PHIP: variants seen among roughly 807,000 people sequenced by gnomAD.
The protein encoded by PHIP is PHIP subunit of CUL4-Ring ligase complex, also known as PH-interacting protein.
A neutral mutation model predicts 236.8 loss-of-function variants in PHIP; 54 were observed. The ratio of observed to expected loss-of-function variants is 0.23; its 90% CI spans 0.18 to 0.29. PHIP has a LOEUF of 0.29. PHIP is among the 10% of genes least tolerant of loss of function. The pLI, the probability that PHIP is intolerant of heterozygous loss-of-function variation, is 1.00. For synonymous variants in PHIP, 756 were observed against 718.9 expected (o/e 1.05, Z -0.83); for missense variants, 1,370 against 2,190.8 (o/e 0.63, Z 7.48).
chr6:78,947,561 A>G, intron 36 of PHIP, 62 bp downstream of exon 36: 1 of 752,254 alleles, frequency 1.3e-6, no homozygotes, highest in Non-Finnish European at 2.1e-6. Context: ...AGCAACATTT[A>G]GTCATTTAAC....
chr6:79,071,727 C>T (rs2127780490), intron 4 of PHIP, among the ~76,000 whole-genome samples: 1 of 152,112 alleles, frequency 6.6e-6, no homozygotes, highest in South Asian at 2.1e-4. Flanking sequence ...TACAAGGAAA[C>T]TACTAGTAAG....
rs149977188 is a variant in PHIP, at chr6:79,039,646, T to C, written c.600+3197A>G. Among the ~76,000 whole-genome samples, 991 of 152,314 alleles carry C rather than the reference T, an allele frequency of 6.5e-3. 8 individuals carry two copies. The highest frequency in any genetic ancestry group is 9.5e-3 in the Non-Finnish European group (647 of 68,004). ...TAAAGGAATGCATAAACTCATTTTCTTTATTATACCATATTAATTAGAATC... is the reference window on the plus strand; with the variant it reads ...TAAAGGAATGCATAAACTCATTTTCCTTATTATACCATATTAATTAGAATC... On this transcript the variant is annotated intron_variant, in intron 7 of 39. Transcript: ENST00000275034.
intron 7 of PHIP, among the ~76,000 whole-genome samples, chr6:79,040,246 G>T (rs1772140983): frequency 6.6e-6 from 1 of 152,062 alleles, no homozygotes; most frequent in Admixed American, 6.6e-5. Flanking sequence ...AAGAGATGAG[G>T]TAATCTGTCA....
intron 7 of PHIP, among the ~76,000 whole-genome samples, chr6:79,031,321 CTT>C (rs977753943): frequency 2.6e-5 from 4 of 152,172 alleles, no homozygotes; most frequent in African/African-American, 9.7e-5. Context: ...TTATATCAAA[CTT>C]AGCATAAGCT....
Position 78,982,196 on chromosome 6 carries a change from A to G in PHIP, c.2769+690T>C, listed in dbSNP as rs1582163205. Among the ~76,000 whole-genome samples, 3 of 152,140 alleles carry G rather than the reference A, an allele frequency of 2.0e-5. No homozygotes were observed. In the East Asian group the frequency reaches 5.8e-4, roughly 29 times the overall value. ...CCCCTCGTGTTGTATTTACTTTAGA[A>G]CAAAAATTAAACAGGTCTCATTTTC... On this transcript the variant is annotated intron_variant, in intron 23 of 39. Coordinates refer to ENST00000275034, the MANE Select transcript of PHIP (RefSeq NM_017934.7).
chr6:79,064,822 T>C (rs1347961337), intron 4 of PHIP, among the ~76,000 whole-genome samples: 2 of 152,204 alleles, frequency 1.3e-5, no homozygotes, highest in African/African-American at 4.8e-5. Context: ...ATAACAATGA[T>C]TGCCAAATTT....
In PHIP at chr6:78,978,637, A is replaced by G. The variant is rs1322018809; in HGVS notation, c.2844T>C (p.Asp948=). 6.3e-7 allele frequency: 1 copy of G among 1,595,140 alleles called. No individual in the cohort carries two copies. The highest frequency in any genetic ancestry group is 8.6e-7 in the Non-Finnish European group (1 of 1,166,612). The part of the protein sequence containing the change: ...EEWLPSTWIT[D]TIPRRCPFVP... ...CAAATGGACATCTTCGGGGAATGGT[A>G]TCTGTAATCCATGTTGATGGCAACC... Residue 948 remains aspartate (D), a synonymous_variant, in exon 24 of 40, where the codon GAT becomes GAC. Transcript: ENST00000275034.
At chr6:79,028,479 C>T (rs1466550045) in intron 7 of PHIP, among the ~76,000 whole-genome samples, 1 of 152,154 alleles carries the variant, frequency 6.6e-6, no homozygotes, top group African/African-American at 2.4e-5. Flanking sequence ...GAGCACATCA[C>T]TGATTATCTG....
chr6:78,990,461 T>C (rs985583542), intron 20 of PHIP, among the ~76,000 whole-genome samples: 5 of 152,110 alleles, frequency 3.3e-5, no homozygotes, highest in South Asian at 2.1e-4. Flanking sequence ...AGAAATATTA[T>C]CTATAGCAGC....
At chr6:78,959,608 C>T (rs1419043386) in intron 31 of PHIP, among the ~76,000 whole-genome samples, 1 of 152,076 alleles carries the variant, frequency 6.6e-6, no homozygotes, top group Non-Finnish European at 1.5e-5. Flanking sequence ...GAATGTAATA[C>T]ATTGAAGTCA....
At chr6:78,959,314 T>C (rs1308148733) in intron 31 of PHIP, among the ~76,000 whole-genome samples, 1 of 152,088 alleles carries the variant, frequency 6.6e-6, no homozygotes, top group African/African-American at 2.4e-5. Flanking sequence ...TACAATCATA[T>C]GGAATAACAC....
At chr6:79,012,400 C>A (rs1734930046) in intron 15 of PHIP, among the ~76,000 whole-genome samples, 1 of 151,676 alleles carries the variant, frequency 6.6e-6, no homozygotes, top group African/African-American at 2.4e-5. Context: ...TTAACAGTCA[C>A]ATGAAATATT....
At position 79,078,106 on chromosome 6, in the gene PHIP, C is replaced by T. The variant is rs1468751269; in HGVS notation, c.-38G>A. 1.2e-6 allele frequency: 2 copies of T among 1,604,002 alleles called. No individual in the cohort carries two copies. The highest frequency in any genetic ancestry group is 2.2e-5 in the South Asian group (2 of 90,528). ...CTTCAGGGCCGCCGACGGGACACCC[C>T]GCCGCCGAGGGGAAGCGGGGACGGT... On this transcript the variant is annotated 5_prime_UTR_variant, in exon 1 of 40. Coordinates refer to ENST00000275034, the MANE Select transcript of PHIP (RefSeq NM_017934.7).
intron 15 of PHIP, among the ~76,000 whole-genome samples, chr6:79,009,073 T>A (rs1309060203): frequency 2.0e-5 from 3 of 152,090 alleles, no homozygotes; most frequent in Non-Finnish European, 4.4e-5. Context: ...TCACACTTAT[T>A]CAATTTCATA....
At chr6:78,973,072 T>C (rs1364589820) in intron 24 of PHIP, among the ~76,000 whole-genome samples, 1 of 152,110 alleles carries the variant, frequency 6.6e-6, no homozygotes, top group African/African-American at 2.4e-5. Context: ...AGACACATAA[T>C]TGTCAGATTC....
intron 24 of PHIP, 143 bp from the exon 25 acceptor site, chr6:78,971,031 TC>T (rs1767503684): frequency 6.6e-6 from 4 of 606,478 alleles, no homozygotes; most frequent in South Asian, 2.2e-5. Context: ...CTCCTTTCTC[TC>T]AAGTTGTCTT....
chr6:78,974,616 G>A (rs1039237869), intron 24 of PHIP, among the ~76,000 whole-genome samples: 1 of 152,036 alleles, frequency 6.6e-6, no homozygotes, highest in Non-Finnish European at 1.5e-5. Context: ...CAACAAAATC[G>A]ATAGACCGCC....
At position 79,072,481 on chromosome 6, in the gene PHIP, A is replaced by ATT. The variant is rs66481367; in HGVS notation, c.189+4965_189+4966dup. Among the ~76,000 whole-genome samples the ATT allele has an allele frequency of 6.6e-4, 100 of 150,604 alleles. 1 individual carries two copies. In the South Asian group the frequency reaches 8.2e-3, roughly 12 times the overall value. ...AAAGTAATTATAGTATCTTCCGAAG[A>ATT]TTTTTTTTTTCTTTTCTTGAGACAG... On this transcript the variant is annotated intron_variant, in intron 4 of 39. Coordinates refer to ENST00000275034, the MANE Select transcript of PHIP (RefSeq NM_017934.7).
At chr6:78,986,420 T>C (rs747598047) in intron 21 of PHIP, among the ~76,000 whole-genome samples, 3 of 152,246 alleles carry the variant, frequency 2.0e-5, no homozygotes, top group Admixed American at 6.5e-5. Flanking sequence ...TTTTACTGTA[T>C]GTTACAAACT....
Sources: allele counts gnomAD v4.1 joint callset (sites outside exome capture counted in the v4.1 genomes callset), GRCh38; gene constraint gnomAD v4.1.1; transcripts MANE v1.5; gene names NCBI Gene and HGNC (gene_info 2026-07-23, HGNC 2026-07-21).